ZNF462: variants seen among roughly 807,000 people sequenced by gnomAD.
ZNF462 encodes the protein zinc finger PBX1-interacting protein.
A neutral mutation model predicts 201.9 loss-of-function variants in ZNF462; 10 were observed. That is an observed-to-expected ratio of 0.05 (90% confidence interval 0.03 to 0.08). The LOEUF is 0.08. Among genes scored for constraint, ZNF462 ranks in the 10% least tolerant of loss-of-function variants. ZNF462 has a pLI of 1.00. For missense variants in ZNF462, 2,523 were observed against 3,168.3 expected (o/e 0.80, Z 4.89); for synonymous variants, 1,227 against 1,193.3 (o/e 1.03, Z -0.58).
At chr9:106,918,030 C>T (rs994282655) in intron 1 of ZNF462, among the ~76,000 whole-genome samples, 6 of 151,888 alleles carry the variant, frequency 4.0e-5, no homozygotes, top group Non-Finnish European at 7.4e-5. Flanking sequence ...TGCCCACCAC[C>T]ACACCCGGCT....
intron 9 of ZNF462, among the ~76,000 whole-genome samples, chr9:106,976,963 A>G (rs1446710474): frequency 1.3e-5 from 2 of 152,004 alleles, no homozygotes; most frequent in African/African-American, 4.8e-5. Context: ...ACCAGGCGTC[A>G]CTCTCTCACC....
At chr9:106,916,584 C>CAACT (rs1171040112) in intron 1 of ZNF462, among the ~76,000 whole-genome samples, 1 of 152,148 alleles carries the variant, frequency 6.6e-6, no homozygotes, top group Non-Finnish European at 1.5e-5. Context: ...GGGGAGAAAT[C>CAACT]AGTTATCTGT....
In ZNF462 at chr9:106,895,950, CA is replaced by C. The variant is rs564168463; in HGVS notation, c.-30-27396del. Among the ~76,000 whole-genome samples the C allele has an allele frequency of 2.0e-5, 3 of 151,548 alleles. No individual in the cohort carries two copies. The highest frequency in any genetic ancestry group is 2.1e-4 in the South Asian group (1 of 4,790). The stretch of plus-strand genomic sequence containing the variant: ...TTTACTTATGAGAAGAAATGCAATG[CA>C]AAAAAAACAAGAACATTCATTATCT... On this transcript the variant is annotated intron_variant, in intron 1 of 12. Coordinates refer to ENST00000277225, the MANE Select transcript of ZNF462 (RefSeq NM_021224.6). This position sits in a 1 kb window ranked among gnomAD's most constrained non-coding sequence, Gnocchi z 4.4.
rs1829246481 is a variant in ZNF462 at position 106,905,813 on chromosome 9, T to C, written c.-30-17541T>C. 6.6e-6 allele frequency among the ~76,000 whole-genome samples: 1 copy of C among 152,162 alleles called. No homozygotes were observed. The highest frequency in any genetic ancestry group is 2.4e-5 in the African/African-American group (1 of 41,440). On this transcript the variant is annotated intron_variant, in intron 1 of 12. Transcript: ENST00000277225. This position sits in a 1 kb window ranked among gnomAD's most constrained non-coding sequence, Gnocchi z 5.9. ...ATGGGCTTGAAAATTTCTCTGAGGC[T>C]ACGCACCTCCCAGCTGCGAGAAAAA... is the stretch of plus-strand genomic sequence containing the variant.
At chr9:106,881,639 G>T (rs553913145) in intron 1 of ZNF462, among the ~76,000 whole-genome samples, 91 of 152,304 alleles carry the variant, frequency 6.0e-4, no homozygotes, top group Non-Finnish European at 1.1e-3. Flanking sequence ...TATCTGATTA[G>T]AAGTCAGAAT....
rs553323569 is a variant in ZNF462, at chr9:106,980,361, C to T, written c.6833-3825C>T. Among the ~76,000 whole-genome samples, 20 of 152,282 alleles carry T rather than the reference C, an allele frequency of 1.3e-4. No homozygotes were observed. In the South Asian group the frequency reaches 1.5e-3, roughly 11 times the overall value. On this transcript the variant is annotated intron_variant, in intron 9 of 12. Transcript: ENST00000277225. ...CAGTCCTCTAGAGTGGCAATTTGCA[C>T]GCAAAGTTTTGGTGGAGTGAAGAAC...
intron 1 of ZNF462, among the ~76,000 whole-genome samples, chr9:106,879,946 A>G (rs1250356196): frequency 2.6e-5 from 4 of 152,128 alleles, no homozygotes; most frequent in Non-Finnish European, 5.9e-5. Flanking sequence ...AGTGGACTTC[A>G]CAGCTGTGTT....
At chr9:106,921,334 G>A (rs1473124207) in intron 1 of ZNF462, among the ~76,000 whole-genome samples, 1 of 152,200 alleles carries the variant, frequency 6.6e-6, no homozygotes, top group Non-Finnish European at 1.5e-5. Flanking sequence ...GGAGAAAGGT[G>A]CTGCTTTTCA....
In ZNF462 at chr9:106,917,705, A is replaced by G. The variant is rs995686605; in HGVS notation, c.-30-5649A>G. On this transcript the variant is annotated intron_variant, in intron 1 of 12. Transcript: ENST00000277225. This position sits in a 1 kb window ranked among gnomAD's most constrained non-coding sequence, Gnocchi z 4.5. ...ACAGAACTGCTTAGATCATGTAGCA[A>G]AAAGTATAAACATTTGATAGGTCAT... Among the ~76,000 whole-genome samples the G allele has an allele frequency of 9.2e-5, 14 of 152,198 alleles. No individual in the cohort carries two copies. Among genetic ancestry groups the G allele is most frequent in the African/African-American group, 3.4e-4 (14 of 41,460 alleles).
chr9:106,986,549 G>T (rs116461154), intron 10 of ZNF462, among the ~76,000 whole-genome samples: 1 of 152,116 alleles, frequency 6.6e-6, no homozygotes, highest in South Asian at 2.1e-4. Flanking sequence ...TGGCAGCTGT[G>T]TTCCCAAAGA....
chr9:106,972,318 T>C lies in ZNF462; in HGVS notation c.6695+46T>C, dbSNP rs1826663189. On this transcript the variant is annotated intron_variant, in intron 8 of 12. Coordinates refer to ENST00000277225, the MANE Select transcript of ZNF462 (RefSeq NM_021224.6). The surrounding 1 kb of genome is among the most constrained non-coding windows in gnomAD (Gnocchi z 4.8). ...CTATGGAAAACAAGGCGGCCGCCCC[T>C]GCTCCACCCCTCACTGCAGGCTTCC... is the stretch of plus-strand genomic sequence containing the variant. 6.3e-7 allele frequency: 1 copy of C among 1,583,150 alleles called. No homozygotes were observed. Among genetic ancestry groups the C allele is most frequent in the South Asian group, 1.2e-5 (1 of 84,620 alleles).
In ZNF462 at chr9:106,974,183, G is replaced by A. The variant is rs764824099; in HGVS notation, c.6742G>A (p.Glu2248Lys). ...GGAAGCTGGGCACTCAGCAGTTCCC[G>A]AGGAGGGCCCCAAAGATCTTCGCTG... ...HVEAGHSAVP[E>K]EGPKDLRCPL... The change falls in exon 9 of 13, where the codon GAG becomes AAG. Residue 2248 changes from glutamate (E) to lysine (K), a missense_variant. By Grantham distance (56) the Glu-to-Lys change is moderately conservative. This residue lies in a region of ZNF462 where 228 missense variants were observed against 361.2 expected (regional missense o/e 0.63). Transcript: ENST00000277225. This position sits in a 1 kb window ranked among gnomAD's most constrained non-coding sequence, Gnocchi z 4.0. The A allele has an allele frequency of 3.4e-5, 55 of 1,613,988 alleles. No homozygotes were observed. The highest frequency in any genetic ancestry group is 4.3e-5 in the Non-Finnish European group (51 of 1,180,030).
Position 106,919,130 on chromosome 9 carries a change from T to C in ZNF462, c.-30-4224T>C, listed in dbSNP as rs1829890473. 1.3e-5 allele frequency among the ~76,000 whole-genome samples: 2 copies of C among 152,264 alleles called. No homozygotes were observed. The highest frequency in any genetic ancestry group is 4.8e-5 in the African/African-American group (2 of 41,476). ...ACAGGTTAGATCCAGGCAAGGCCTA[T>C]GCCTTTTAATTTGATCACTTCCTGA... On this transcript the variant is annotated intron_variant, in intron 1 of 12. Transcript: ENST00000277225. This position sits in a 1 kb window ranked among gnomAD's most constrained non-coding sequence, Gnocchi z 4.5.
intron 6 of ZNF462, among the ~76,000 whole-genome samples, chr9:106,937,282 C>T (rs548327492): frequency 4.6e-5 from 7 of 151,998 alleles, no homozygotes; most frequent in Non-Finnish European, 7.4e-5. Flanking sequence ...TATATTCATC[C>T]GTGGTGAGAG....
At chr9:106,906,867 C>T (rs1233493533) in intron 1 of ZNF462, among the ~76,000 whole-genome samples, 2 of 152,128 alleles carry the variant, frequency 1.3e-5, no homozygotes, top group South Asian at 4.1e-4. Context: ...CTCCTCTTTT[C>T]TAGTAGTTGT....
chr9:106,909,978 C>A (rs1419798083), intron 1 of ZNF462, among the ~76,000 whole-genome samples: 1 of 152,140 alleles, frequency 6.6e-6, no homozygotes, highest in Non-Finnish European at 1.5e-5. Context: ...TATGTTCGAT[C>A]TGTTTTCAAA....
At chr9:106,957,679 C>T (rs946099340) in intron 7 of ZNF462, among the ~76,000 whole-genome samples, 1 of 152,046 alleles carries the variant, frequency 6.6e-6, no homozygotes, top group African/African-American at 2.4e-5. Flanking sequence ...ATTTTGATCA[C>T]AGTGTTGTCT....
Position 106,927,940 on chromosome 9 carries a change from C to T in ZNF462, c.4028C>T (p.Thr1343Ile). The T allele has an allele frequency of 6.2e-7, 1 of 1,614,204 alleles. No homozygotes were observed. The highest frequency in any genetic ancestry group is 1.7e-5 in the Admixed American group (1 of 60,024). ...CATCCAGAACACTATGTTGATTACACCTACATGGCTACTAAACTGTGGGCT... is the reference window on the plus strand; with the variant it reads ...CATCCAGAACACTATGTTGATTACATCTACATGGCTACTAAACTGTGGGCT... ...RRHPEHYVDY[T>I]YMATKLWAGP... The change falls in exon 3 of 13, where the codon ACC becomes ATC. Residue 1343 changes from threonine (T) to isoleucine (I), a missense_variant. Transcript: ENST00000277225.
rs77324528 is a variant in ZNF462, at chr9:106,933,611, T to C, written c.6116+1062T>C. On this transcript the variant is annotated intron_variant, in intron 5 of 12. Coordinates refer to ENST00000277225, the MANE Select transcript of ZNF462 (RefSeq NM_021224.6). This position sits in a 1 kb window ranked among gnomAD's most constrained non-coding sequence, Gnocchi z 4.3. ...GCCATGGTCTGTGGCCAGGGGAATT[T>C]AGGGTCAAGGGTTGGTTTATGAAAT... is the stretch of plus-strand genomic sequence containing the variant. Among the ~76,000 whole-genome samples the C allele has an allele frequency of 0.089, 13,489 of 151,988 alleles. 1,515 individuals are homozygous for C. The highest frequency in any genetic ancestry group is 0.26 in the African/African-American group (10,742 of 41,404).
Sources: allele counts gnomAD v4.1 joint callset (sites outside exome capture counted in the v4.1 genomes callset), GRCh38; gene constraint gnomAD v4.1.1; regional missense constraint gnomAD v4.1.1; non-coding constraint Gnocchi (gnomAD v3.1); transcripts MANE v1.5; gene names NCBI Gene and HGNC (gene_info 2026-07-23, HGNC 2026-07-21).